DDHD2: variants seen among roughly 807,000 people sequenced by gnomAD.
DDHD2 encodes the protein triacylglycerol hydrolase DDHD2.
A neutral mutation model predicts 91.2 loss-of-function variants in DDHD2; 62 were observed. The ratio of observed to expected loss-of-function variants is 0.68; its 90% CI spans 0.55 to 0.84. The LOEUF is 0.84. DDHD2 is among the 40% of genes least tolerant of loss of function. The pLI is 0.00. For synonymous variants in DDHD2, 271 were observed against 293.9 expected (o/e 0.92, Z 0.80); for missense variants, 740 against 846.9 (o/e 0.87, Z 1.57).
rs1240764885 is a variant in DDHD2, at chr8:38,262,521, A to G, written c.*1948A>G. On this transcript the variant is annotated 3_prime_UTR_variant, in exon 18 of 18. Transcript: ENST00000397166. ...TGATTGAAATCCTGTATTTAGTCAT[A>G]TATTATTTGCGCTGCTTCATTTGTA... 6.6e-6 allele frequency: 1 copy of G among 152,102 alleles called. No individual in the cohort carries two copies. The highest frequency in any genetic ancestry group is 2.4e-5 in the African/African-American group (1 of 41,408). The allele number at this position is 152,102 out of a possible 1,614,324, so 9.4% of individuals were successfully genotyped here. A position where few individuals can be genotyped will look rare whatever the true frequency, so the allele number is the denominator to read the frequency against.
rs907062959 is a variant in DDHD2, at chr8:38,237,753, A to T, written c.501+126A>T. On this transcript the variant is annotated intron_variant, in intron 4 of 17. Coordinates refer to ENST00000397166, the MANE Select transcript of DDHD2 (RefSeq NM_015214.3). ...TTGTCAAATTTTATATTGAATTCACAGTTATGAAACTTAAAAACTTGTAGC... is the reference window on the plus strand; with the variant it reads ...TTGTCAAATTTTATATTGAATTCACTGTTATGAAACTTAAAAACTTGTAGC... The T allele has an allele frequency of 1.0e-5, 6 of 584,124 alleles. No individual in the cohort carries two copies. In the African/African-American group the frequency reaches 1.2e-4, roughly 11 times the overall value. The allele number at this position is 584,124 out of a possible 1,614,324, so 36.2% of individuals were successfully genotyped here.
downstream of DDHD2, among the ~76,000 whole-genome samples, chr8:38,265,276 A>G (rs2130916632): frequency 6.6e-6 from 1 of 151,844 alleles, no homozygotes; most frequent in East Asian, 1.9e-4. Context: ...AAAAAAAAAA[A>G]AAAAAAAAGA....
chr8:38,247,979 A>T, intron 10 of DDHD2, 144 bp downstream of exon 10: 3 of 665,958 alleles, frequency 4.5e-6, no homozygotes, highest in Non-Finnish European at 7.0e-6. Flanking sequence ...TTTGCTTTTT[A>T]TCATATCAAG....
rs775275421 is a variant in DDHD2, at chr8:38,234,532, A to G, written c.359A>G (p.Asp120Gly). Reference protein sequence around the residue: ...VRRCTWFYKGDKDNKYVPYSE... With the variant: ...VRRCTWFYKGGKDNKYVPYSE... ...CGATGTACGTGGTTTTACAAGGGGG[A>G]CAAAGACAATAAGTATGTTCCCTAC... Residue 120 changes from aspartate (D) to glycine (G), a missense_variant, in exon 3 of 18, where the codon GAC becomes GGC. Asp to Gly is a moderately conservative substitution (Grantham distance 94). Coordinates refer to ENST00000397166, the MANE Select transcript of DDHD2 (RefSeq NM_015214.3). The G allele has an allele frequency of 1.9e-6, 3 of 1,612,904 alleles. No individual in the cohort carries two copies. The South Asian group carries it at 3.3e-5, about 18-fold the overall frequency.
chr8:38,235,046 A>C (rs2130747253), intron 3 of DDHD2, among the ~76,000 whole-genome samples: 1 of 152,312 alleles, frequency 6.6e-6, no homozygotes, highest in African/African-American at 2.4e-5. Context: ...TTTGTAAAGT[A>C]GGTAGTGAAA....
chr8:38,237,438 ATTC>A (rs1395874354), intron 3 of DDHD2, 97 bp from the exon 4 acceptor site: 5 of 603,762 alleles, frequency 8.3e-6, no homozygotes, highest in South Asian at 1.9e-5. Flanking sequence ...GGAGTAGGAT[ATTC>A]TTATTGAAAC....
intron 1 of DDHD2, among the ~76,000 whole-genome samples, chr8:38,232,674 T>G (rs1804376424): frequency 6.6e-6 from 1 of 152,252 alleles, no homozygotes; most frequent in African/African-American, 2.4e-5. Flanking sequence ...AAAATGTTTT[T>G]GTTGCAATCT....
chr8:38,240,759 T>G (rs938904150), intron 6 of DDHD2, among the ~76,000 whole-genome samples: 1 of 152,212 alleles, frequency 6.6e-6, no homozygotes, highest in Admixed American at 6.5e-5. Context: ...TTTAAGTCAT[T>G]AGTATAACTA....
intron 16 of DDHD2, among the ~76,000 whole-genome samples, chr8:38,257,242 T>G (rs1806583293): frequency 3.1e-5 from 4 of 129,548 alleles, no homozygotes; most frequent in African/African-American, 1.2e-4. Flanking sequence ...CAACAAGTTT[T>G]TTTTTTTTTT....
At chr8:38,243,808 CTTT>C (rs747825792) in intron 7 of DDHD2, among the ~76,000 whole-genome samples, 4 of 135,324 alleles carry the variant, frequency 3.0e-5, no homozygotes. Context: ...TTTTTTTTAT[CTTT>C]TTTTTTTTTT....
At chr8:38,235,086 G>A (rs923589045) in intron 3 of DDHD2, among the ~76,000 whole-genome samples, 10 of 152,136 alleles carry the variant, frequency 6.6e-5, no homozygotes, top group African/African-American at 2.2e-4. Flanking sequence ...ATTTTGTTTG[G>A]TGTTTAGCCA....
At chr8:38,246,569 C>T (rs539003364) in intron 9 of DDHD2, among the ~76,000 whole-genome samples, 7 of 152,288 alleles carry the variant, frequency 4.6e-5, no homozygotes, top group African/African-American at 1.7e-4. Context: ...TGGCTGGGCG[C>T]GGTGGCTCAT....
At chr8:38,265,139 G>A (rs1377238807), downstream of DDHD2, 1 of 545,028 alleles carries the variant, frequency 1.8e-6, no homozygotes, top group Admixed American at 3.2e-5. Context: ...GGTGGCATGT[G>A]CCTGTAATCC....
chr8:38,267,688 G>A (rs532418797), downstream of DDHD2: 278 of 636,778 alleles, frequency 4.4e-4, 2 homozygotes, highest in South Asian at 1.2e-3. Flanking sequence ...CCGTTGGTGG[G>A]AAATGCTGTT....
rs755200059 is a variant in DDHD2 at position 38,234,567 on chromosome 8, T to C, written c.394T>C (p.Phe132Leu). 2.5e-6 allele frequency: 4 copies of C among 1,608,580 alleles called. No individual in the cohort carries two copies. Among genetic ancestry groups the C allele is most frequent in the Non-Finnish European group, 2.5e-6 (3 of 1,178,816 alleles). The change falls in exon 3 of 18, where the codon TTC becomes CTC. Residue 132 changes from phenylalanine to leucine, a missense_variant. This residue lies in a region of DDHD2 where 693 missense variants were observed against 764.2 expected (regional missense o/e 0.91). Coordinates refer to ENST00000397166, the MANE Select transcript of DDHD2 (RefSeq NM_015214.3). ...TAAGTATGTTCCCTACTCGGAGAGCTTCAGCCAAGTTTTAGAGGTATTCTT... is the reference window on the plus strand; with the variant it reads ...TAAGTATGTTCCCTACTCGGAGAGCCTCAGCCAAGTTTTAGAGGTATTCTT... ...DNKYVPYSES[F>L]SQVLEETYML...
rs1441451833 is a variant in DDHD2, at chr8:38,260,075, A to G, written c.2090A>G (p.Glu697Gly). Residue 697 changes from glutamate (E) to glycine (G), a missense_variant, in exon 17 of 18, where the codon GAG becomes GGG. Glu to Gly is a moderately conservative substitution (Grantham distance 98). Coordinates refer to ENST00000397166, the MANE Select transcript of DDHD2 (RefSeq NM_015214.3). ...GATACAGTATTGCTCGTCCTCAAAG[A>G]GATCTACCAAACCCAGGGTATCTTC... ...SEDTVLLVLK[E>G]IYQTQGIFLD... is the part of the protein sequence containing the mutation. The G allele has an allele frequency of 1.2e-6, 2 of 1,613,776 alleles. No individual in the cohort carries two copies. The highest frequency in any genetic ancestry group is 2.2e-5 in the South Asian group (2 of 91,082).
At chr8:38,270,589 G>C (rs987565172) in intron 1 of DDHD2, 1 of 152,146 alleles carries the variant, frequency 6.6e-6, no homozygotes, top group Non-Finnish European at 1.5e-5. Flanking sequence ...TTTCTAAACT[G>C]ACAAGAATAC....
At chr8:38,267,511 G>GTAAC, downstream of DDHD2, 1 of 1,224,930 alleles carries the variant, frequency 8.2e-7, no homozygotes, top group Non-Finnish European at 1.1e-6. Context: ...GCAAAATAAG[G>GTAAC]TAACTGGCTT....
intron 16 of DDHD2, among the ~76,000 whole-genome samples, chr8:38,259,159 A>G (rs1220518044): frequency 6.6e-6 from 1 of 151,978 alleles, no homozygotes; most frequent in East Asian, 1.9e-4. Flanking sequence ...ATAACTCTTC[A>G]ATAGTGTCTC....
Sources: gnomAD v4.1 joint callset for allele counts (sites outside exome capture counted in the v4.1 genomes callset) on GRCh38, gnomAD v4.1.1 for gene constraint, gnomAD v4.1.1 regional missense constraint, MANE v1.5 for transcripts, NCBI Gene and HGNC (gene_info 2026-07-23, HGNC 2026-07-21) for gene names.